The following MARK2 variants were observed in gnomAD, a reference collection of about 807,000 sequenced individuals.
The protein encoded by MARK2 is microtubule affinity regulating kinase 2, also known as serine/threonine-protein kinase MARK2.
A neutral mutation model predicts 89.8 loss-of-function variants in MARK2; 16 were observed. That is an observed-to-expected ratio of 0.18 (90% CI 0.12 to 0.27). MARK2 has a LOEUF of 0.27. MARK2 is among the 10% of genes least tolerant of loss of function. The pLI is 1.00. For missense variants in MARK2, 621 were observed against 1,049.9 expected, an observed-to-expected ratio of 0.59 and a Z score of 5.65; for synonymous variants, 382 against 399.5, an observed-to-expected ratio of 0.96 and a Z score of 0.52.
chr11:63,881,895 G>T (rs568539390), intron 1 of MARK2, among the ~76,000 whole-genome samples: 1 of 152,236 alleles, frequency 6.6e-6, no homozygotes, highest in South Asian at 2.1e-4. Flanking sequence ...GTTTGAGGAT[G>T]CAGTGAGCTG....
At chr11:63,846,266 CAGCACTTCGGGAGGCCACG>C (rs1321960235) in intron 1 of MARK2, among the ~76,000 whole-genome samples, 3 of 151,910 alleles carry the variant, frequency 2.0e-5, no homozygotes, top group Non-Finnish European at 4.4e-5. Flanking sequence ...TCTGTAATCC[CAGCACTTCGGGAGGCCACG>C]GCAGGAGGAT....
rs1466441151 is a variant in MARK2 at position 63,902,480 on chromosome 11, C to T, written c.1235-121C>T. 8.8e-6 allele frequency: 12 copies of T among 1,370,648 alleles called. No individual in the cohort carries two copies. Among genetic ancestry groups the T allele is most frequent in the Admixed American group, 7.7e-5 (4 of 51,886 alleles). The allele number at this position is 1,370,648 out of a possible 1,614,324, so 84.9% of individuals were successfully genotyped here. A position where few individuals can be genotyped will look rare whatever the true frequency, so the allele number is the denominator to read the frequency against. On this transcript the variant is annotated intron_variant, in intron 12 of 18. Transcript: ENST00000402010. The surrounding 1 kb of genome is among the most constrained non-coding windows in gnomAD (Gnocchi z 4.2). ...TATGGGCAAGCCACTTCCCTTCCCTCGCCTCTGTGGAATGGGGGCTTGCTG... is the reference window on the plus strand; with the variant it reads ...TATGGGCAAGCCACTTCCCTTCCCTTGCCTCTGTGGAATGGGGGCTTGCTG...
Position 63,898,221 on chromosome 11 carries a change from T to A in MARK2, c.289-11T>A, listed in dbSNP as rs763910367. ...TTGGGCAGGCATGACCCCTGGTATT[T>A]TATCTTCCAGCTATTCCGCGAAGTA... On this transcript the variant is annotated splice_polypyrimidine_tract_variant and intron_variant, in intron 3 of 18. Coordinates refer to ENST00000402010, the MANE Select transcript of MARK2 (RefSeq NM_001039469.3). 2 of 1,613,292 alleles carry A rather than the reference T, an allele frequency of 1.2e-6. No individual in the cohort carries two copies. The highest frequency in any genetic ancestry group is 1.7e-6 in the Non-Finnish European group (2 of 1,179,216).
rs764320800 is a variant in MARK2, at chr11:63,902,755, G to A, written c.1389G>A (p.Arg463=). ...CCAGCCCCCTGCCCGGTCTGGAGAG[G>A]AAGAAGACCACCCCAACCCCCTCCA... ...VPASPLPGLE[R]KKTTPTPSTN... The change falls in exon 13 of 19, where the codon AGG becomes AGA. Residue 463 remains arginine (R), a synonymous_variant. Coordinates refer to ENST00000402010, the MANE Select transcript of MARK2 (RefSeq NM_001039469.3). The surrounding 1 kb of genome is among the most constrained non-coding windows in gnomAD (Gnocchi z 4.2). 1 of 1,613,300 alleles carries A rather than the reference G, an allele frequency of 6.2e-7. No homozygotes were observed. Among genetic ancestry groups the A allele is most frequent in the Non-Finnish European group, 8.5e-7 (1 of 1,179,934 alleles).
chr11:63,882,471 T>TA lies in MARK2; in HGVS notation c.55-12687dup, dbSNP rs1459503871. 2.0e-5 allele frequency: 3 copies of TA among 151,882 alleles called. No homozygotes were observed. In the East Asian group the frequency reaches 5.8e-4, roughly 29 times the overall value. 9.4% of individuals were successfully genotyped at this position (151,882 alleles called of 1,614,324 possible). The stretch of plus-strand genomic sequence containing the variant: ...GGTGGCGCATACCTGTAATCCCAGT[T>TA]ACTTGGGAGGCTGAGGCAGGAGAAT... On this transcript the variant is annotated intron_variant, in intron 1 of 18. Transcript: ENST00000402010.
At chr11:63,886,947 A>G (rs1223661073) in intron 1 of MARK2, among the ~76,000 whole-genome samples, 1 of 152,268 alleles carries the variant, frequency 6.6e-6, no homozygotes, top group Non-Finnish European at 1.5e-5. Flanking sequence ...CAGTGAGTGA[A>G]GGGCCGGAGG....
chr11:63,896,139 G>T (rs1201700465), intron 3 of MARK2, among the ~76,000 whole-genome samples: 1 of 152,198 alleles, frequency 6.6e-6, no homozygotes. Flanking sequence ...CATCTGTGGT[G>T]ACTCCTCCTG....
At chr11:63,907,710 C>T (rs546572630) in intron 17 of MARK2, among the ~76,000 whole-genome samples, 40 of 152,320 alleles carry the variant, frequency 2.6e-4, no homozygotes, top group African/African-American at 8.9e-4. Flanking sequence ...TCCCCAGGTG[C>T]CTACCATGCA....
chr11:63,880,756 AT>A (rs1939037397), intron 1 of MARK2, among the ~76,000 whole-genome samples: 1 of 152,142 alleles, frequency 6.6e-6, no homozygotes, highest in South Asian at 2.1e-4. Context: ...GGCTGTGCCT[AT>A]ATTCTGAGTC....
intron 1 of MARK2, among the ~76,000 whole-genome samples, chr11:63,853,547 T>A (rs752155656): frequency 6.6e-6 from 1 of 152,252 alleles, no homozygotes; most frequent in African/African-American, 2.4e-5. Context: ...ATTTATTTTA[T>A]GTGAATGCTC....
At chr11:63,899,648 T>C (rs551611562) in intron 7 of MARK2, among the ~76,000 whole-genome samples, 1 of 152,302 alleles carries the variant, frequency 6.6e-6, no homozygotes, top group South Asian at 2.1e-4. Context: ...CTCTGGGCCT[T>C]CAGATCCCAT....
At chr11:63,891,145 T>G (rs1177108401) in intron 1 of MARK2, among the ~76,000 whole-genome samples, 1 of 152,144 alleles carries the variant, frequency 6.6e-6, no homozygotes, top group African/African-American at 2.4e-5. Flanking sequence ...ATTCTTTTTT[T>G]TTTTTCCTTT....
intron 1 of MARK2, among the ~76,000 whole-genome samples, chr11:63,859,502 G>C (rs1305092418): frequency 6.6e-6 from 1 of 151,996 alleles, no homozygotes; most frequent in Non-Finnish European, 1.5e-5. Context: ...TGTATTTTTA[G>C]TAGAGAAAGG....
chr11:63,861,397 T>C (rs898389041), intron 1 of MARK2, among the ~76,000 whole-genome samples: 2 of 152,072 alleles, frequency 1.3e-5, no homozygotes, highest in Non-Finnish European at 2.9e-5. Flanking sequence ...ATCGCACCAC[T>C]GCACTCCTGC....
At chr11:63,851,898 T>C (rs898808450) in intron 1 of MARK2, among the ~76,000 whole-genome samples, 1 of 152,154 alleles carries the variant, frequency 6.6e-6, no homozygotes, top group Non-Finnish European at 1.5e-5. Flanking sequence ...CTCTAACCCA[T>C]CAGGAATGCC....
intron 4 of MARK2, 71 bp downstream of exon 4, chr11:63,898,351 C>T: frequency 6.9e-7 from 1 of 1,443,948 alleles, no homozygotes; most frequent in East Asian, 2.3e-5. Flanking sequence ...GTCATCTTCT[C>T]CCCGAGGTGC....
intron 3 of MARK2, among the ~76,000 whole-genome samples, chr11:63,896,075 G>A (rs145930053): frequency 4.5e-4 from 69 of 152,120 alleles, no homozygotes; most frequent in African/African-American, 1.4e-3. Flanking sequence ...TTCGCTCACC[G>A]TCCCCCAACC....
In MARK2 at chr11:63,903,989, A is replaced by G. The variant is rs767441563; in HGVS notation, c.1518A>G (p.Leu506=). The G allele has an allele frequency of 2.3e-5, 37 of 1,604,284 alleles. No homozygotes were observed. The highest frequency in any genetic ancestry group is 2.6e-5 in the Non-Finnish European group (30 of 1,175,314). The part of the protein sequence containing the change: ...QASIQNGKDS[L]TMPGSRASTA... Reference sequence around the variant, plus strand: ...CTCCGCTGCTTTTGTTTCCTAGCCTAACCATGCCAGGGTCCCGGGCCTCCA... The same window carrying G: ...CTCCGCTGCTTTTGTTTCCTAGCCTGACCATGCCAGGGTCCCGGGCCTCCA... Residue 506 remains leucine, a synonymous_variant, in exon 15 of 19, where the codon CTA becomes CTG. Coordinates refer to ENST00000402010, the MANE Select transcript of MARK2 (RefSeq NM_001039469.3). This position sits in a 1 kb window ranked among gnomAD's most constrained non-coding sequence, Gnocchi z 5.1.
At chr11:63,858,877 A>G (rs1937603599) in intron 1 of MARK2, among the ~76,000 whole-genome samples, 1 of 152,184 alleles carries the variant, frequency 6.6e-6, no homozygotes, top group South Asian at 2.1e-4. Flanking sequence ...TCAGGAAGGC[A>G]CTTGCTGTCT....
Sources: gnomAD v4.1 joint callset for allele counts (sites outside exome capture counted in the v4.1 genomes callset) on GRCh38, gnomAD v4.1.1 for gene constraint, Gnocchi (gnomAD v3.1) non-coding constraint, MANE v1.5 for transcripts, NCBI Gene and HGNC (gene_info 2026-07-23, HGNC 2026-07-21) for gene names.